LYRM4: variants seen among roughly 807,000 people sequenced by gnomAD.
The protein encoded by LYRM4 is LYR motif containing 4.
Under a neutral mutation model 11.7 loss-of-function variants are expected in LYRM4, and 9 were observed. The ratio of observed to expected loss-of-function variants is 0.77; its 90% CI spans 0.46 to 1.34. The LOEUF is 1.34. Ranked by LOEUF, LYRM4 falls within the 40% of genes most tolerant of loss-of-function variation. The probability of loss-of-function intolerance (pLI) is 0.00; values close to 1 mark genes in which losing one functional copy is unlikely to be tolerated. For missense variants in LYRM4, 133 were observed against 112.5 expected (o/e 1.18, Z -0.82); for synonymous variants, 42 against 40.4 (o/e 1.04, Z -0.15).
At chr6:5,256,419 G>A (rs1242591695) in intron 1 of LYRM4, among the ~76,000 whole-genome samples, 1 of 145,106 alleles carries the variant, frequency 6.9e-6, no homozygotes, top group Non-Finnish European at 1.5e-5. Context: ...GAACCTGGGA[G>A]GTGGAGGTTG....
the LYRM4 span, among the ~76,000 whole-genome samples, chr6:5,045,795 A>G: frequency 6.6e-6 from 1 of 150,966 alleles, no homozygotes; most frequent in Non-Finnish European, 1.5e-5. Context: ...AGGTGTCTCA[A>G]AAGAAAAACA....
chr6:5,067,719 G>A, the LYRM4 span, among the ~76,000 whole-genome samples: 1 of 152,136 alleles, frequency 6.6e-6, no homozygotes. Flanking sequence ...AGTTTTGGTG[G>A]AAAACTTTAC....
chr6:5,064,451 C>A, the LYRM4 span, among the ~76,000 whole-genome samples: 2 of 152,166 alleles, frequency 1.3e-5, no homozygotes, highest in Non-Finnish European at 2.9e-5. Flanking sequence ...CTCAGCAACC[C>A]AAGCTCACTG....
chr6:5,062,630 G>T, the LYRM4 span, among the ~76,000 whole-genome samples: 4 of 152,124 alleles, frequency 2.6e-5, no homozygotes, highest in South Asian at 4.1e-4. Context: ...AGCCTCCCTT[G>T]CTCAGAGCTG....
chr6:5,212,014 C>G (rs1007792540), intron 2 of LYRM4, among the ~76,000 whole-genome samples: 1 of 152,198 alleles, frequency 6.6e-6, no homozygotes, highest in Non-Finnish European at 1.5e-5. Flanking sequence ...AAGATTACAA[C>G]TCTATTTCAA....
intron 2 of LYRM4, among the ~76,000 whole-genome samples, chr6:5,174,374 T>C (rs1759600656): frequency 6.6e-6 from 1 of 152,158 alleles, no homozygotes; most frequent in African/African-American, 2.4e-5. Flanking sequence ...AGTCAATTCC[T>C]GTGGTTGAAA....
the LYRM4 span, among the ~76,000 whole-genome samples, chr6:5,038,175 G>A: frequency 2.6e-3 from 156 of 59,298 alleles, 33 homozygotes; most frequent in African/African-American, 6.5e-3. Flanking sequence ...ACAGGGAGGC[G>A]GGGCAGAGGT....
chr6:5,176,257 G>A (rs904353319), intron 2 of LYRM4, among the ~76,000 whole-genome samples: 1 of 151,878 alleles, frequency 6.6e-6, no homozygotes, highest in Non-Finnish European at 1.5e-5. Flanking sequence ...TAGAGATGGG[G>A]TTTCACCATA....
chr6:5,201,057 T>G (rs909328005), intron 2 of LYRM4, among the ~76,000 whole-genome samples: 1 of 152,158 alleles, frequency 6.6e-6, no homozygotes, highest in Non-Finnish European at 1.5e-5. Context: ...TCATGGTTGT[T>G]TTGAGATTGG....
At chr6:5,217,785 C>T (rs1257865602) in intron 1 of LYRM4, among the ~76,000 whole-genome samples, 2 of 152,226 alleles carry the variant, frequency 1.3e-5, no homozygotes, top group Non-Finnish European at 2.9e-5. Context: ...GCTCAGCAGT[C>T]CTTAGACACA....
chr6:5,117,884 A>G (rs1763195446), intron 2 of LYRM4, among the ~76,000 whole-genome samples: 1 of 151,320 alleles, frequency 6.6e-6, no homozygotes, highest in African/African-American at 2.4e-5. Context: ...GTCTCTTAAC[A>G]GTTTTTTTTT....
chr6:5,093,058 A>C, the LYRM4 span, among the ~76,000 whole-genome samples: 1 of 152,204 alleles, frequency 6.6e-6, no homozygotes, highest in Admixed American at 6.5e-5. Context: ...TGTTCTTTGG[A>C]AATAAAATAA....
intron 1 of LYRM4, among the ~76,000 whole-genome samples, chr6:5,217,924 TTC>T (rs1762368987): frequency 6.6e-6 from 1 of 152,184 alleles, no homozygotes; most frequent in Non-Finnish European, 1.5e-5. Context: ...TGTTTTTTTT[TTC>T]TTTTTTAGAG....
intron 2 of LYRM4, among the ~76,000 whole-genome samples, chr6:5,169,871 G>A (rs1759318138): frequency 6.6e-6 from 1 of 152,208 alleles, no homozygotes; most frequent in East Asian, 1.9e-4. Context: ...TGCTCCAACG[G>A]TAGGATAACT....
At chr6:5,034,607 G>T in the LYRM4 span, 1 of 152,854 alleles carries the variant, frequency 6.5e-6, no homozygotes, top group Non-Finnish European at 1.5e-5. Context: ...CGGCTCCCCT[G>T]CGCCTTCTGC....
chr6:5,173,746 G>A (rs1759559058), intron 2 of LYRM4, among the ~76,000 whole-genome samples: 2 of 152,190 alleles, frequency 1.3e-5, no homozygotes, highest in South Asian at 4.1e-4. Flanking sequence ...TACGGCTCAT[G>A]TTTAAATATG....
chr6:5,086,545 C>T, the LYRM4 span: 4 of 1,526,334 alleles, frequency 2.6e-6, no homozygotes, highest in Non-Finnish European at 3.5e-6. Flanking sequence ...CTACGCGCGC[C>T]CTGCGGACGC....
At chr6:5,208,651 C>A (rs1481094745) in intron 2 of LYRM4, among the ~76,000 whole-genome samples, 3 of 152,184 alleles carry the variant, frequency 2.0e-5, no homozygotes, top group Non-Finnish European at 4.4e-5. Context: ...AACTAACAGG[C>A]AATCTCCAAC....
intron 1 of LYRM4, chr6:5,236,321 C>T (rs12174086): frequency 0.11 from 16,962 of 151,748 alleles, 1,264 homozygotes; most frequent in East Asian, 0.23. Flanking sequence ...AAAAATTAGC[C>T]GGGCATGGTG....
Sources: allele counts gnomAD v4.1 joint callset (sites outside exome capture counted in the v4.1 genomes callset), GRCh38; gene constraint gnomAD v4.1.1; transcripts MANE v1.5; gene names NCBI Gene and HGNC (gene_info 2026-07-23, HGNC 2026-07-21).